The following ADK variants were observed in gnomAD, a reference collection of about 807,000 sequenced individuals.
The protein encoded by ADK is adenosine kinase, also known as N6,N6-dimethyladenosine kinase.
Under a neutral mutation model 44.7 loss-of-function variants are expected in ADK, and 24 were observed. The ratio of observed to expected loss-of-function variants is 0.54; its 90% CI spans 0.39 to 0.76. The LOEUF (loss-of-function observed/expected upper bound fraction) is 0.76, where lower values mean the gene tolerates loss of function less well. Among genes scored for constraint, ADK ranks in the 30% least tolerant of loss-of-function variants. The pLI, the probability that ADK is intolerant of heterozygous loss-of-function variation, is 0.00. For synonymous variants in ADK, 128 were observed against 142.6 expected, an observed-to-expected ratio of 0.90 and a Z score of 0.73; for missense variants, 321 against 425.1, an observed-to-expected ratio of 0.76 and a Z score of 2.15.
chr10:74,246,343 A>G (rs1477133289), intron 3 of ADK, among the ~76,000 whole-genome samples: 2 of 152,230 alleles, frequency 1.3e-5, no homozygotes, highest in African/African-American at 4.8e-5. Flanking sequence ...ATTTAGTTTA[A>G]AGATCTCAGT....
In ADK at chr10:74,206,960, C is replaced by T. The variant is rs557975833; in HGVS notation, c.140+6122C>T. ...CTTGTTTGGCCTGGCAGGCTGCGTT[C>T]GGCTCATGCTACCAGCCTGGATCCC... On this transcript the variant is annotated intron_variant, in intron 2 of 10. Coordinates refer to ENST00000539909, the MANE Select transcript of ADK (RefSeq NM_006721.4). Among the ~76,000 whole-genome samples, 445 of 152,184 alleles carry T rather than the reference C, an allele frequency of 2.9e-3. 5 individuals are homozygous for T. The highest frequency in any genetic ancestry group is 7.8e-4 in the Non-Finnish European group (53 of 68,006).
intron 4 of ADK, among the ~76,000 whole-genome samples, chr10:74,316,770 G>T (rs1840635362): frequency 6.6e-6 from 1 of 151,902 alleles, no homozygotes; most frequent in African/African-American, 2.4e-5. Context: ...CCTTTCTTGG[G>T]GATCTTCATC....
At position 74,233,411 on chromosome 10, in the gene ADK, G is replaced by A. The variant is rs571709062; in HGVS notation, c.194+8820G>A. On this transcript the variant is annotated intron_variant, in intron 3 of 10. Coordinates refer to ENST00000539909, the MANE Select transcript of ADK (RefSeq NM_006721.4). Reference sequence around the variant, plus strand: ...AGGCTTGGTCCTGGTAGTTGTGGACGTAAGGTAGAGTGGGGATGAGTAAGG... The same window carrying A: ...AGGCTTGGTCCTGGTAGTTGTGGACATAAGGTAGAGTGGGGATGAGTAAGG... Among the ~76,000 whole-genome samples, 85 of 152,256 alleles carry A rather than the reference G, an allele frequency of 5.6e-4. 1 individual carries two copies. The highest frequency in any genetic ancestry group is 1.7e-3 in the African/African-American group (69 of 41,562).
At chr10:74,175,174 A>G (rs1842287613) in intron 1 of ADK, among the ~76,000 whole-genome samples, 1 of 152,230 alleles carries the variant, frequency 6.6e-6, no homozygotes, top group Non-Finnish European at 1.5e-5. Flanking sequence ...TGAGGCCAGG[A>G]GTTTGAGACC....
At chr10:74,296,364 G>A (rs1290480417) in intron 3 of ADK, among the ~76,000 whole-genome samples, 1 of 152,076 alleles carries the variant, frequency 6.6e-6, no homozygotes, top group Non-Finnish European at 1.5e-5. Flanking sequence ...TTTGTGAAGA[G>A]TTGATGTGTA....
chr10:74,442,368 G>A (rs939134567), intron 6 of ADK, among the ~76,000 whole-genome samples: 1 of 152,136 alleles, frequency 6.6e-6, no homozygotes, highest in Non-Finnish European at 1.5e-5. Flanking sequence ...GAGATCGGCC[G>A]GGCATGGTGG....
At chr10:74,331,974 C>T (rs961493861) in intron 4 of ADK, among the ~76,000 whole-genome samples, 7 of 152,222 alleles carry the variant, frequency 4.6e-5, no homozygotes, top group Non-Finnish European at 8.8e-5. Context: ...CTGCTTCAGT[C>T]TCCTGAGTAG....
At chr10:74,168,885 A>G (rs529068719) in intron 1 of ADK, among the ~76,000 whole-genome samples, 1 of 152,168 alleles carries the variant, frequency 6.6e-6, no homozygotes, top group African/African-American at 2.4e-5. Flanking sequence ...TGCTGTGATT[A>G]CAGACGTGAG....
Position 74,627,675 on chromosome 10 carries a change from G to A in ADK, c.877+27182G>A, listed in dbSNP as rs1343956556. 2.0e-5 allele frequency among the ~76,000 whole-genome samples: 3 copies of A among 151,984 alleles called. No homozygotes were observed. The East Asian group carries it at 5.8e-4, about 29-fold the overall frequency. ...AGACGGAGTCTCGCTCTGTCACCCAGGCTGGAGTGTGCAGTGGCACGATCT... is the reference window on the plus strand; with the variant it reads ...AGACGGAGTCTCGCTCTGTCACCCAAGCTGGAGTGTGCAGTGGCACGATCT... On this transcript the variant is annotated intron_variant, in intron 9 of 10. Coordinates refer to ENST00000539909, the MANE Select transcript of ADK (RefSeq NM_006721.4).
intron 3 of ADK, among the ~76,000 whole-genome samples, chr10:74,313,051 A>G (rs1158008445): frequency 6.6e-6 from 1 of 151,864 alleles, no homozygotes; most frequent in Non-Finnish European, 1.5e-5. Flanking sequence ...TGAAGAATGT[A>G]GTGCACTTAC....
chr10:74,554,255 A>C (rs1850154010), intron 7 of ADK, among the ~76,000 whole-genome samples: 1 of 151,970 alleles, frequency 6.6e-6, no homozygotes, highest in South Asian at 2.1e-4. Context: ...TATGTCTAAC[A>C]TATGTGTATT....
chr10:74,332,643 A>G (rs1841259853), intron 4 of ADK, among the ~76,000 whole-genome samples: 1 of 152,204 alleles, frequency 6.6e-6, no homozygotes, highest in African/African-American at 2.4e-5. Flanking sequence ...TAGTGATGCA[A>G]TTTGTGTCAA....
chr10:74,220,638 C>T (rs958037876), intron 2 of ADK, among the ~76,000 whole-genome samples: 136 of 152,198 alleles, frequency 8.9e-4, no homozygotes, highest in Non-Finnish European at 1.4e-3. Context: ...ACTGGCAAAC[C>T]GAATCCAGCA....
chr10:74,280,137 TTTTTTTGTTTTTTG>T (rs1055346554), intron 3 of ADK, among the ~76,000 whole-genome samples: 1 of 152,078 alleles, frequency 6.6e-6, no homozygotes, highest in South Asian at 2.1e-4. Flanking sequence ...GATATCTGTG[TTTTTTTGTTTTTTG>T]TTTTTTGTTT....
At chr10:74,393,025 T>C (rs938080094) in intron 4 of ADK, among the ~76,000 whole-genome samples, 8 of 152,128 alleles carry the variant, frequency 5.3e-5, no homozygotes, top group Non-Finnish European at 5.9e-5. Context: ...TCAATACTTA[T>C]ATATGTGTTG....
At chr10:74,413,691 C>T (rs113435911) in intron 6 of ADK, among the ~76,000 whole-genome samples, 4,847 of 152,256 alleles carry the variant, frequency 0.032, 222 homozygotes, top group African/African-American at 0.098. Context: ...ACTGGAGTAG[C>T]ACTTTTAATT....
chr10:74,574,802 C>T (rs1165678840), intron 7 of ADK, among the ~76,000 whole-genome samples: 1 of 152,152 alleles, frequency 6.6e-6, no homozygotes, highest in East Asian at 1.9e-4. Flanking sequence ...TCTTTGCTAC[C>T]ATCCCTGAAA....
chr10:74,492,437 TAAA>T (rs1192862213), intron 6 of ADK, among the ~76,000 whole-genome samples: 5 of 151,262 alleles, frequency 3.3e-5, no homozygotes, highest in Non-Finnish European at 5.9e-5. Flanking sequence ...CTCTGTCTCT[TAAA>T]AAAAAGAAAG....
rs1240328399 is a variant in ADK, at chr10:74,579,488, A to G, written c.727-9794A>G. ...ACAATGCAAAAACCAGACAAGGTAT[A>G]TAACATAAGAGTTTTTAGACACTAG... On this transcript the variant is annotated intron_variant, in intron 7 of 10. Coordinates refer to ENST00000539909, the MANE Select transcript of ADK (RefSeq NM_006721.4). 2.6e-5 allele frequency among the ~76,000 whole-genome samples: 4 copies of G among 152,204 alleles called. No individual in the cohort carries two copies. In the East Asian group the frequency reaches 5.8e-4, roughly 22 times the overall value.
Sources: gnomAD v4.1 joint callset for allele counts (sites outside exome capture counted in the v4.1 genomes callset) on GRCh38, gnomAD v4.1.1 for gene constraint, MANE v1.5 for transcripts, NCBI Gene and HGNC (gene_info 2026-07-23, HGNC 2026-07-21) for gene names.